DAB1: variants seen among roughly 807,000 people sequenced by gnomAD.
DAB1 encodes the protein disabled homolog 1.
DAB1 carries 15 observed loss-of-function variants against 64.6 expected under a neutral mutation model. That is an observed-to-expected ratio of 0.23 (90% CI 0.16 to 0.36). The LOEUF (loss-of-function observed/expected upper bound fraction) is 0.36. Ranked by LOEUF, DAB1 falls within the 10% of genes least tolerant of loss-of-function variation. DAB1 has a pLI of 1.00. For synonymous variants in DAB1, 235 were observed against 251.9 expected, an observed-to-expected ratio of 0.93 and a Z score of 0.64; for missense variants, 596 against 706.7, an observed-to-expected ratio of 0.84 and a Z score of 1.78.
At chr1:58,387,547 CTTA>C (rs1644442657) in intron 3 of DAB1, among the ~76,000 whole-genome samples, 1 of 152,096 alleles carries the variant, frequency 6.6e-6, no homozygotes, top group South Asian at 2.1e-4. Context: ...ACGAAGATGT[CTTA>C]TTATGTAGAT....
At chr1:57,019,848 A>C (rs920670595) in intron 11 of DAB1, among the ~76,000 whole-genome samples, 3 of 152,242 alleles carry the variant, frequency 2.0e-5, no homozygotes, top group African/African-American at 7.2e-5. Flanking sequence ...TAGGTTTTTA[A>C]AAAGTGTTGA....
chr1:58,045,227 G>A (rs575903458), intron 5 of DAB1, among the ~76,000 whole-genome samples: 4 of 152,308 alleles, frequency 2.6e-5, no homozygotes, highest in African/African-American at 4.8e-5. Context: ...GGCTGGCAGC[G>A]GGAAGCACTT....
At chr1:57,962,339 C>G (rs1242681795) in intron 5 of DAB1, among the ~76,000 whole-genome samples, 2 of 152,024 alleles carry the variant, frequency 1.3e-5, no homozygotes, top group African/African-American at 2.4e-5. Flanking sequence ...TCTTATTTTT[C>G]CATGGGCATA....
Position 58,431,874 on chromosome 1 carries a change from A to C in DAB1, n.257+74186T>G, listed in dbSNP as rs1644879948. Among the ~76,000 whole-genome samples, 3 of 152,178 alleles carry C rather than the reference A, an allele frequency of 2.0e-5. No individual in the cohort carries two copies. In the South Asian group the frequency reaches 6.2e-4, roughly 32 times the overall value. ...ACAGATGTGAACTGATGAGATGTGA[A>C]CAACTCCAGGCTGAGAACTCAGAGG... is the stretch of plus-strand genomic sequence containing the variant. On this transcript the variant is annotated intron_variant and non_coding_transcript_variant, in intron 3 of 20. Coordinates refer to the DAB1 transcript ENST00000485760.
chr1:57,637,477 G>A (rs1401435702), intron 7 of DAB1, among the ~76,000 whole-genome samples: 4 of 152,188 alleles, frequency 2.6e-5, no homozygotes, highest in Admixed American at 2.6e-4. Flanking sequence ...ATATGCAGGT[G>A]TGTGTAGGGG....
At chr1:57,637,787 C>A (rs921735304) in intron 7 of DAB1, among the ~76,000 whole-genome samples, 4 of 152,088 alleles carry the variant, frequency 2.6e-5, no homozygotes, top group African/African-American at 9.7e-5. Context: ...AAGGCAATAA[C>A]AACAAAGGGT....
intron 5 of DAB1, among the ~76,000 whole-genome samples, chr1:58,102,243 T>G (rs914145128): frequency 6.6e-6 from 1 of 152,222 alleles, no homozygotes; most frequent in Non-Finnish European, 1.5e-5. Context: ...CCTCAATGGG[T>G]GCACAGTATG....
At chr1:58,439,811 G>T (rs893512134) in intron 3 of DAB1, among the ~76,000 whole-genome samples, 3 of 152,214 alleles carry the variant, frequency 2.0e-5, no homozygotes, top group African/African-American at 7.2e-5. Flanking sequence ...GCATTCAAAA[G>T]AGCTGGGGGT....
chr1:57,252,942 G>C (rs542184260), intron 2 of DAB1, among the ~76,000 whole-genome samples: 3 of 152,240 alleles, frequency 2.0e-5, no homozygotes, highest in South Asian at 4.1e-4. Context: ...TAGATGAATG[G>C]GCTAAATCAA....
At chr1:58,266,304 G>T (rs1273286047) in intron 4 of DAB1, among the ~76,000 whole-genome samples, 1 of 152,166 alleles carries the variant, frequency 6.6e-6, no homozygotes, top group African/African-American at 2.4e-5. Context: ...AGTGGGGGAA[G>T]AGGGTAGGGA....
At chr1:57,321,542 G>T (rs1029425203) in intron 1 of DAB1, among the ~76,000 whole-genome samples, 1 of 152,094 alleles carries the variant, frequency 6.6e-6, no homozygotes, top group African/African-American at 2.4e-5. Flanking sequence ...GGCGTGTAAA[G>T]GTCACTTCAA....
At chr1:58,212,672 C>G (rs1024360031) in intron 4 of DAB1, among the ~76,000 whole-genome samples, 4 of 152,162 alleles carry the variant, frequency 2.6e-5, no homozygotes, top group African/African-American at 7.2e-5. Flanking sequence ...CTCATCTTAT[C>G]TCATATTAAC....
Position 58,341,851 on chromosome 1 carries a change from T to C in DAB1, n.309+1501A>G, listed in dbSNP as rs966846914. Among the ~76,000 whole-genome samples, 27 of 152,168 alleles carry C rather than the reference T, an allele frequency of 1.8e-4. 1 individual carries two copies. Among genetic ancestry groups the C allele is most frequent in the African/African-American group, 5.3e-4 (22 of 41,450 alleles). Reference sequence around the variant, plus strand: ...GTTAATGATTATTTTATTACCACTTTCTCTAGTCTGGTTAACAGTGTTTAC... The same window carrying C: ...GTTAATGATTATTTTATTACCACTTCCTCTAGTCTGGTTAACAGTGTTTAC... On this transcript the variant is annotated intron_variant and non_coding_transcript_variant, in intron 4 of 20. Coordinates refer to the DAB1 transcript ENST00000485760.
At chr1:58,326,834 C>T (rs1032085568) in intron 4 of DAB1, among the ~76,000 whole-genome samples, 2 of 152,212 alleles carry the variant, frequency 1.3e-5, no homozygotes, top group African/African-American at 4.8e-5. Flanking sequence ...TTCCAAACCC[C>T]TCAGCCCCTA....
chr1:58,473,788 G>C (rs1260207107), intron 3 of DAB1: 7 of 550,488 alleles, frequency 1.3e-5, no homozygotes, highest in Non-Finnish European at 2.0e-5. Context: ...TCTGACCCAA[G>C]AACGCTCTGC....
intron 7 of DAB1, among the ~76,000 whole-genome samples, chr1:57,635,403 C>A (rs1469463586): frequency 1.3e-5 from 2 of 152,156 alleles, no homozygotes; most frequent in Non-Finnish European, 2.9e-5. Flanking sequence ...GCTTGCGTTA[C>A]TGCCTGAGCT....
At chr1:58,216,190 C>A (rs1290430586) in intron 4 of DAB1, among the ~76,000 whole-genome samples, 1 of 152,072 alleles carries the variant, frequency 6.6e-6, no homozygotes, top group Non-Finnish European at 1.5e-5. Context: ...AGCCCCCACC[C>A]CCCAACAGGC....
At chr1:57,300,313 G>A (rs1256047853) in intron 1 of DAB1, among the ~76,000 whole-genome samples, 2 of 152,160 alleles carry the variant, frequency 1.3e-5, no homozygotes, top group Admixed American at 6.6e-5. Flanking sequence ...TGATTGCATG[G>A]CATGCTAACA....
At chr1:58,276,054 A>C (rs1423756436) in intron 4 of DAB1, among the ~76,000 whole-genome samples, 1 of 152,246 alleles carries the variant, frequency 6.6e-6, no homozygotes, top group Non-Finnish European at 1.5e-5. Context: ...GAAATAAGCC[A>C]GTTACAAAAA....
Sources: gnomAD v4.1 joint callset for allele counts (sites outside exome capture counted in the v4.1 genomes callset) on GRCh38, gnomAD v4.1.1 for gene constraint, MANE v1.5 for transcripts, NCBI Gene and HGNC (gene_info 2026-07-23, HGNC 2026-07-21) for gene names.